The following BRINP3 variants were observed in gnomAD, a reference collection of about 807,000 sequenced individuals.
BRINP3 encodes BMP/retinoic acid inducible neural specific 3.
BRINP3 carries 19 observed loss-of-function variants against 71.0 expected under a neutral mutation model. The observed-to-expected ratio is 0.27, with a 90% confidence interval of 0.19 to 0.39. The LOEUF is 0.39. Ranked by LOEUF, BRINP3 falls within the 10% of genes least tolerant of loss-of-function variation. BRINP3 has a pLI of 1.00. For missense variants in BRINP3, 959 were observed against 940.8 expected, an observed-to-expected ratio of 1.02 and a Z score of -0.25; for synonymous variants, 380 against 337.7, an observed-to-expected ratio of 1.13 and a Z score of -1.37.
chr1:190,265,799 A>G (rs750676379), intron 3 of BRINP3, among the ~76,000 whole-genome samples: 1 of 152,152 alleles, frequency 6.6e-6, no homozygotes, highest in Non-Finnish European at 1.5e-5. Context: ...CCAAATGGAA[A>G]TATGACAAAG....
At chr1:190,467,681 A>G (rs967023136) in intron 1 of BRINP3, among the ~76,000 whole-genome samples, 1 of 151,554 alleles carries the variant, frequency 6.6e-6, no homozygotes, top group African/African-American at 2.4e-5. Context: ...CCAATATACA[A>G]TTTTGAGAAC....
intron 3 of BRINP3, among the ~76,000 whole-genome samples, chr1:190,273,351 A>G (rs960051345): frequency 1.6e-4 from 24 of 151,568 alleles, no homozygotes; most frequent in African/African-American, 5.8e-4. Flanking sequence ...ACATCCACAC[A>G]TTTTGTAGAA....
At chr1:190,369,781 T>C (rs1669742599) in intron 2 of BRINP3, among the ~76,000 whole-genome samples, 1 of 152,112 alleles carries the variant, frequency 6.6e-6, no homozygotes, top group Non-Finnish European at 1.5e-5. Context: ...GACCCGAATA[T>C]GTGACATAAT....
At chr1:190,257,429 G>T (rs1372326686) in intron 4 of BRINP3, among the ~76,000 whole-genome samples, 1 of 152,042 alleles carries the variant, frequency 6.6e-6, no homozygotes, top group Non-Finnish European at 1.5e-5. Flanking sequence ...CGATGGGTTC[G>T]AACATCGTCC....
At chr1:190,211,344 C>T (rs1356969822) in intron 6 of BRINP3, among the ~76,000 whole-genome samples, 1 of 152,004 alleles carries the variant, frequency 6.6e-6, no homozygotes, top group African/African-American at 2.4e-5. Context: ...CTCTAGAGAA[C>T]CCTGGATAAT....
intron 2 of BRINP3, among the ~76,000 whole-genome samples, chr1:190,333,174 C>T (rs2103085945): frequency 6.6e-6 from 1 of 151,940 alleles, no homozygotes; most frequent in East Asian, 1.9e-4. Context: ...GTAGATTTCT[C>T]CCCCACTGCA....
At chr1:190,131,301 G>C (rs980898437) in intron 7 of BRINP3, among the ~76,000 whole-genome samples, 1 of 151,450 alleles carries the variant, frequency 6.6e-6, no homozygotes, top group African/African-American at 2.4e-5. Flanking sequence ...ATCGACACTG[G>C]GTGGATATTC....
intron 2 of BRINP3, among the ~76,000 whole-genome samples, chr1:190,431,769 TA>T (rs573202908): frequency 1.3e-5 from 2 of 152,150 alleles, no homozygotes; most frequent in African/African-American, 2.4e-5. Flanking sequence ...ACCGTAGAAG[TA>T]AACCACAGTT....
intron 2 of BRINP3, among the ~76,000 whole-genome samples, chr1:190,406,426 A>G (rs546201393): frequency 6.6e-5 from 10 of 152,348 alleles, no homozygotes; most frequent in Non-Finnish European, 1.0e-4. Flanking sequence ...ATATTTTCGT[A>G]CTGCTGCAAG....
rs1656509344 is a variant in BRINP3 at position 190,217,433 on chromosome 1, A to C, written c.961+8649T>G. 2.6e-5 allele frequency among the ~76,000 whole-genome samples: 4 copies of C among 152,002 alleles called. No individual in the cohort carries two copies. The South Asian group carries it at 8.3e-4, about 31-fold the overall frequency. ...CATATATCTTACTAGTTTTAAAAAG[A>C]GTCCAATATAAATACAGTATTTTAC... On this transcript the variant is annotated intron_variant, in intron 6 of 7. Coordinates refer to ENST00000367462, the MANE Select transcript of BRINP3 (RefSeq NM_199051.3).
chr1:190,281,722 G>A lies in BRINP3; in HGVS notation c.265C>T (p.Leu89Phe). ...AGGAAATTTCTTCTCTCAACTGCAAGGTTATTTACTTTCCAGCGGCCAAAC... is the reference window on the plus strand; with the variant it reads ...AGGAAATTTCTTCTCTCAACTGCAAAGTTATTTACTTTCCAGCGGCCAAAC... The part of the protein sequence containing the change: ...REFGRWKVNN[L>F]AVERRNFLGS... Residue 89 changes from leucine to phenylalanine, a missense_variant, in exon 3 of 8, where the codon CTT becomes TTT. Transcript: ENST00000367462. 3 of 1,609,766 alleles carry A rather than the reference G, an allele frequency of 1.9e-6. No individual in the cohort carries two copies. The highest frequency in any genetic ancestry group is 2.5e-6 in the Non-Finnish European group (3 of 1,178,416).
At position 190,260,085 on chromosome 1, in the gene BRINP3, AAAAG is replaced by A. The variant is rs1661050369; in HGVS notation, c.618+4776_618+4779del. The stretch of plus-strand genomic sequence containing the variant: ...TTAAGAACCACAAAAAAAAAAAAGA[AAAAG>A]AAAAGGAAAGCAAAAACAGAGTGGT... On this transcript the variant is annotated intron_variant, in intron 4 of 7. Transcript: ENST00000367462. Among the ~76,000 whole-genome samples, 6 of 151,704 alleles carry A rather than the reference AAAAG, an allele frequency of 4.0e-5. No individual in the cohort carries two copies. The South Asian group carries it at 8.3e-4, about 21-fold the overall frequency.
intron 2 of BRINP3, among the ~76,000 whole-genome samples, chr1:190,334,089 T>C (rs949044576): frequency 1.3e-5 from 2 of 151,878 alleles, no homozygotes; most frequent in African/African-American, 4.8e-5. Context: ...AATCAGATCT[T>C]TAGTTAAATA....
In BRINP3 at chr1:190,454,881, G is replaced by C; in HGVS notation, c.10C>G (p.Arg4Gly). The part of the protein sequence containing the change: MIW[R>G]SRAGAELFSL... ...AACAATTCAGCACCAGCTCTGCTTCGCCATATCATGCTTCCACTGGGGATT... is the reference window on the plus strand; with the variant it reads ...AACAATTCAGCACCAGCTCTGCTTCCCCATATCATGCTTCCACTGGGGATT... The change falls in exon 2 of 8, where the codon CGA (arginine) becomes GGA (glycine). Residue 4 changes from arginine (R) to glycine (G), a missense_variant. Transcript: ENST00000367462. 6.2e-7 allele frequency: 1 copy of C among 1,613,446 alleles called. No homozygotes were observed. Among genetic ancestry groups the C allele is most frequent in the Non-Finnish European group, 8.5e-7 (1 of 1,179,500 alleles).
intron 6 of BRINP3, among the ~76,000 whole-genome samples, chr1:190,189,448 C>A (rs143028304): frequency 6.6e-6 from 1 of 151,934 alleles, no homozygotes; most frequent in Non-Finnish European, 1.5e-5. Context: ...TTCATCCCTT[C>A]TATTATTTTT....
At position 190,340,063 on chromosome 1, in the gene BRINP3, T is replaced by C. The variant is rs1667554906; in HGVS notation, c.237-58313A>G. ...AGAGGAAAGAAAAAATAGCTATTTCTATAGCCACACTTAAAACTGACTCAT... is the reference window on the plus strand; with the variant it reads ...AGAGGAAAGAAAAAATAGCTATTTCCATAGCCACACTTAAAACTGACTCAT... On this transcript the variant is annotated intron_variant, in intron 2 of 7. Coordinates refer to ENST00000367462, the MANE Select transcript of BRINP3 (RefSeq NM_199051.3). Among the ~76,000 whole-genome samples the C allele has an allele frequency of 2.0e-5, 3 of 151,910 alleles. No individual in the cohort carries two copies. In the South Asian group the frequency reaches 6.2e-4, roughly 31 times the overall value.
chr1:190,246,996 C>CT (rs1659672318), intron 4 of BRINP3, among the ~76,000 whole-genome samples: 1 of 151,926 alleles, frequency 6.6e-6, no homozygotes, highest in South Asian at 2.1e-4. Flanking sequence ...CTCCACTTGC[C>CT]TTTTTGTGTT....
chr1:190,415,826 T>G (rs949870506), intron 2 of BRINP3, among the ~76,000 whole-genome samples: 2 of 152,272 alleles, frequency 1.3e-5, no homozygotes, highest in East Asian at 1.9e-4. Context: ...TCACTTGAGC[T>G]AAAGAGTTTG....
chr1:190,455,501 T>C (rs1558302970), intron 1 of BRINP3, among the ~76,000 whole-genome samples: 1 of 152,084 alleles, frequency 6.6e-6, no homozygotes, highest in African/African-American at 2.4e-5. Context: ...TATATAGATA[T>C]AGAGACAGAC....
Sources: allele counts gnomAD v4.1 joint callset (sites outside exome capture counted in the v4.1 genomes callset), GRCh38; gene constraint gnomAD v4.1.1; transcripts MANE v1.5; gene names NCBI Gene and HGNC (gene_info 2026-07-23, HGNC 2026-07-21).